The following DLC1 variants were observed in gnomAD, a reference collection of about 807,000 sequenced individuals.
The protein encoded by DLC1 is rho GTPase-activating protein 7.
Under a neutral mutation model 140.3 loss-of-function variants are expected in DLC1, and 54 were observed. The ratio of observed to expected loss-of-function variants is 0.38; its 90% CI spans 0.31 to 0.48. DLC1 has a LOEUF of 0.48. DLC1 is among the 20% of genes least tolerant of loss of function. The probability of loss-of-function intolerance (pLI) is 0.96; values close to 1 mark genes in which losing one functional copy is unlikely to be tolerated. For synonymous variants in DLC1, 986 were observed against 728.1 expected (o/e 1.35, Z -5.70); for missense variants, 2,536 against 1,907.0 (o/e 1.33, Z -6.14).
intron 2 of DLC1, among the ~76,000 whole-genome samples, chr8:13,443,044 G>A (rs1798598362): frequency 6.6e-6 from 1 of 152,124 alleles, no homozygotes; most frequent in African/African-American, 2.4e-5. Context: ...ATGAGTTCAT[G>A]TCCTTTGTAG....
At chr8:13,164,597 A>G (rs1310280173) in intron 5 of DLC1, among the ~76,000 whole-genome samples, 3 of 152,162 alleles carry the variant, frequency 2.0e-5, no homozygotes, top group Non-Finnish European at 4.4e-5. Context: ...ACATGGAACC[A>G]TGTTGGCATG....
rs562453419 is a variant in DLC1, at chr8:13,286,621, A to G, written c.1348+18648T>C. ...TGCAACCTGAAAAAATACTTATTAA[A>G]GTGAACAGGCATTTTGCTAATATTA... On this transcript the variant is annotated intron_variant, in intron 5 of 17. Transcript: ENST00000276297. 2.6e-4 allele frequency among the ~76,000 whole-genome samples: 39 copies of G among 152,218 alleles called. 1 individual carries two copies. The highest frequency in any genetic ancestry group is 1.5e-3 in the South Asian group (7 of 4,826).
intron 4 of DLC1, among the ~76,000 whole-genome samples, chr8:13,355,920 T>C (rs1047893658): frequency 6.8e-6 from 1 of 147,240 alleles, no homozygotes; most frequent in Non-Finnish European, 1.5e-5. Flanking sequence ...CCGTCTCTAC[T>C]AAAAAAAAAA....
chr8:13,543,862 G>C (rs913441614), intron 1 of DLC1, among the ~76,000 whole-genome samples: 2 of 152,044 alleles, frequency 1.3e-5, no homozygotes, highest in Non-Finnish European at 2.9e-5. Flanking sequence ...CGAGTGGGAA[G>C]TGAGGGATGA....
rs190805037 is a variant in DLC1 at position 13,326,114 on chromosome 8, C to G, written c.1315-20812G>C. Among the ~76,000 whole-genome samples the G allele has an allele frequency of 6.6e-5, 10 of 152,258 alleles. No homozygotes were observed. The East Asian group carries it at 1.9e-3, about 29-fold the overall frequency. ...ATGTCTGCACAAGGATGTGCATTGC[C>G]TAATGATGCAATTCTCAGACAGCAT... On this transcript the variant is annotated intron_variant, in intron 4 of 17. Coordinates refer to ENST00000276297, the MANE Select transcript of DLC1 (RefSeq NM_182643.3).
At chr8:13,507,317 T>G (rs1802141821) in intron 1 of DLC1, among the ~76,000 whole-genome samples, 1 of 152,184 alleles carries the variant, frequency 6.6e-6, no homozygotes, top group African/African-American at 2.4e-5. Context: ...TTATGTTTCT[T>G]AATTCCTTTA....
intron 5 of DLC1, among the ~76,000 whole-genome samples, chr8:13,188,230 G>A (rs991015044): frequency 3.3e-5 from 5 of 151,006 alleles, no homozygotes; most frequent in Admixed American, 1.3e-4. Flanking sequence ...TACAGGTGCC[G>A]GCCACCATGC....
At chr8:13,542,790 C>T (rs529223163) in intron 1 of DLC1, among the ~76,000 whole-genome samples, 1 of 152,008 alleles carries the variant, frequency 6.6e-6, no homozygotes, top group East Asian at 1.9e-4. Context: ...TGTAGAAATA[C>T]GAATTGAGTT....
At chr8:13,365,307 G>C (rs1426459797) in intron 4 of DLC1, among the ~76,000 whole-genome samples, 1 of 152,076 alleles carries the variant, frequency 6.6e-6, no homozygotes, top group Non-Finnish European at 1.5e-5. Flanking sequence ...ATGTCCACAG[G>C]GCTTACTATT....
intron 2 of DLC1, among the ~76,000 whole-genome samples, chr8:13,479,853 G>GAAAGA (rs879619553): frequency 2.0e-5 from 1 of 49,932 alleles, no homozygotes; most frequent in Admixed American, 1.7e-4. Context: ...AGAAGAAGAA[G>GAAAGA]AAGAAGAGAA....
At chr8:13,133,243 T>A in intron 5 of DLC1, 1 of 1,382,670 alleles carries the variant, frequency 7.2e-7, no homozygotes, top group Non-Finnish European at 9.3e-7. Context: ...TGCGGCCATG[T>A]CCTGGCTGGG....
At chr8:13,105,575 G>A (rs761864583) in intron 7 of DLC1, among the ~76,000 whole-genome samples, 1 of 151,380 alleles carries the variant, frequency 6.6e-6, no homozygotes, top group Non-Finnish European at 1.5e-5. Context: ...TAACTTCTAG[G>A]TTCCTTTCTT....
intron 5 of DLC1, among the ~76,000 whole-genome samples, chr8:13,256,975 G>A (rs140895918): frequency 3.5e-4 from 53 of 151,386 alleles, no homozygotes; most frequent in African/African-American, 1.2e-3. Flanking sequence ...CTATTAGTGT[G>A]CTGAGTGAAG....
chr8:13,455,254 C>A (rs1207288125), intron 2 of DLC1, among the ~76,000 whole-genome samples: 1 of 152,118 alleles, frequency 6.6e-6, no homozygotes, highest in Non-Finnish European at 1.5e-5. Flanking sequence ...TACAGATGCA[C>A]ACAATTGTAT....
At chr8:13,548,926 A>C (rs1384623528) in intron 1 of DLC1, among the ~76,000 whole-genome samples, 2 of 152,084 alleles carry the variant, frequency 1.3e-5, no homozygotes, top group Non-Finnish European at 2.9e-5. Context: ...GTGGAAGATC[A>C]ATTATAATCA....
chr8:13,167,893 C>T (rs574341059), intron 5 of DLC1, among the ~76,000 whole-genome samples: 1 of 152,208 alleles, frequency 6.6e-6, no homozygotes, highest in East Asian at 1.9e-4. Context: ...TATTTTTAGA[C>T]CACCCAATCA....
Position 13,429,318 on chromosome 8 carries a change from G to A in DLC1, c.1024-27699C>T, listed in dbSNP as rs1180315765. Among the ~76,000 whole-genome samples, 4 of 152,316 alleles carry A rather than the reference G, an allele frequency of 2.6e-5. No homozygotes were observed. The East Asian group carries it at 7.7e-4, about 29-fold the overall frequency. ...GTTTGAAAACCAGTGATGTAGAGCA[G>A]TGATTTAAAATAGAAGTGCATAGAA... On this transcript the variant is annotated intron_variant, in intron 2 of 17. Transcript: ENST00000276297.
At chr8:13,506,007 A>T (rs921639332) in intron 1 of DLC1, among the ~76,000 whole-genome samples, 2 of 152,190 alleles carry the variant, frequency 1.3e-5, no homozygotes, top group African/African-American at 2.4e-5. Flanking sequence ...ATCCCATCAA[A>T]TGCAGGTATC....
intron 1 of DLC1, among the ~76,000 whole-genome samples, chr8:13,513,459 C>T (rs1802466081): frequency 6.6e-6 from 1 of 152,000 alleles, no homozygotes; most frequent in Non-Finnish European, 1.5e-5. Context: ...TCACCTTGTA[C>T]TATATAAAAA....
Sources: allele counts gnomAD v4.1 joint callset (sites outside exome capture counted in the v4.1 genomes callset), GRCh38; gene constraint gnomAD v4.1.1; transcripts MANE v1.5; gene names NCBI Gene and HGNC (gene_info 2026-07-23, HGNC 2026-07-21).